NEDD4L: variants seen among roughly 807,000 people sequenced by gnomAD.
NEDD4L encodes the protein E3 ubiquitin-protein ligase NEDD4-like.
A neutral mutation model predicts 148.9 loss-of-function variants in NEDD4L; 54 were observed. The observed-to-expected ratio is 0.36, with a 90% CI of 0.29 to 0.45. The LOEUF is 0.45. Ranked by LOEUF, NEDD4L falls within the 20% of genes least tolerant of loss-of-function variation. The pLI is 1.00. For missense variants in NEDD4L, 856 were observed against 1,233.8 expected (o/e 0.69, Z 4.59); for synonymous variants, 433 against 440.7 (o/e 0.98, Z 0.22).
chr18:58,132,417 A>G (rs1481650134), intron 1 of NEDD4L, among the ~76,000 whole-genome samples: 3 of 152,236 alleles, frequency 2.0e-5, no homozygotes, highest in Middle Eastern at 6.3e-3. Flanking sequence ...AACATGTACT[A>G]CAGTGATGGA....
intron 11 of NEDD4L, among the ~76,000 whole-genome samples, 190 bp downstream of exon 11, chr18:58,331,104 C>G (rs901895251): frequency 2.0e-5 from 3 of 152,282 alleles, no homozygotes; most frequent in Admixed American, 6.5e-5. Context: ...AGGTGAGAAT[C>G]TTTCTTGATT....
chr18:58,211,026 A>G (rs1484475111), intron 2 of NEDD4L, among the ~76,000 whole-genome samples: 2 of 152,336 alleles, frequency 1.3e-5, no homozygotes, highest in East Asian at 3.9e-4. Flanking sequence ...CCTATCTGAA[A>G]AAGTTTAGTA....
rs1383834364 is a variant in NEDD4L, at chr18:58,351,525, A to AAT, written c.1708+487_1708+488dup. ...CATGTTTCCTTGCACCCACAACACT[A>AAT]ATATATATGTATTTTCTGGAAATTG... is the stretch of plus-strand genomic sequence containing the variant. On this transcript the variant is annotated intron_variant, in intron 18 of 30. Transcript: ENST00000400345. 4.6e-5 allele frequency among the ~76,000 whole-genome samples: 7 copies of AAT among 152,348 alleles called. No homozygotes were observed. The East Asian group carries it at 1.2e-3, about 25-fold the overall frequency.
chr18:58,192,766 C>G (rs1159000138), intron 2 of NEDD4L, among the ~76,000 whole-genome samples: 1 of 152,152 alleles, frequency 6.6e-6, no homozygotes, highest in East Asian at 1.9e-4. Context: ...AGATGAAGAA[C>G]ACGGAGTTCT....
chr18:58,083,496 G>A (rs552413111), intron 1 of NEDD4L, among the ~76,000 whole-genome samples: 1 of 152,134 alleles, frequency 6.6e-6, no homozygotes, highest in South Asian at 2.1e-4. Flanking sequence ...GACCATCCTG[G>A]CTAACACAGT....
At chr18:58,163,954 A>G (rs1303527884) in intron 1 of NEDD4L, among the ~76,000 whole-genome samples, 1 of 152,058 alleles carries the variant, frequency 6.6e-6, no homozygotes, top group African/African-American at 2.4e-5. Flanking sequence ...GGTCTTGACT[A>G]AACATGTTGG....
intron 1 of NEDD4L, among the ~76,000 whole-genome samples, chr18:58,103,730 C>G (rs766919927): frequency 1.3e-4 from 20 of 152,158 alleles, no homozygotes; most frequent in Non-Finnish European, 2.1e-4. Context: ...GAAGTGAAAC[C>G]AAAACCTACA....
At chr18:58,234,084 T>TCTTC (rs2045624824) in intron 2 of NEDD4L, among the ~76,000 whole-genome samples, 1 of 95,644 alleles carries the variant, frequency 1.0e-5, no homozygotes, top group Non-Finnish European at 2.1e-5. Context: ...TTTCTTTCTT[T>TCTTC]CTTTCTTTCT....
rs952775960 is a variant in NEDD4L, at chr18:58,255,119, C to T, written c.297+3065C>T. Among the ~76,000 whole-genome samples, 7 of 152,258 alleles carry T rather than the reference C, an allele frequency of 4.6e-5. No homozygotes were observed. The East Asian group carries it at 1.3e-3, about 29-fold the overall frequency. On this transcript the variant is annotated intron_variant, in intron 5 of 30. Transcript: ENST00000400345. ...CTGTTAAACATGCCAGGTCCCTGCA[C>T]TGGTTAGACAGAGTCTCAGTGCTGT... is the stretch of plus-strand genomic sequence containing the variant.
intron 5 of NEDD4L, among the ~76,000 whole-genome samples, chr18:58,289,121 C>T (rs2054333752): frequency 6.6e-6 from 1 of 152,186 alleles, no homozygotes; most frequent in Non-Finnish European, 1.5e-5. Flanking sequence ...GGTTCAGTGA[C>T]AAGAGTGCCA....
chr18:58,330,787 G>A lies in NEDD4L; in HGVS notation c.863G>A (p.Gly288Asp). The A allele has an allele frequency of 1.2e-6, 2 of 1,613,104 alleles. No individual in the cohort carries two copies. Among genetic ancestry groups the A allele is most frequent in the Non-Finnish European group, 1.7e-6 (2 of 1,179,470 alleles). ...EEVNIAGDSL[G>D]LALPPPPASP... is the part of the protein sequence containing the mutation. ...GTGAATATCGCTGGAGACTCTCTCG[G>A]TCTGGCTCTGCCCCCACCACCGGCC... Residue 288 changes from glycine (G) to aspartate (D), a missense_variant, in exon 11 of 31, where the codon GGT (glycine) becomes GAT (aspartate). Transcript: ENST00000400345.
intron 5 of NEDD4L, among the ~76,000 whole-genome samples, chr18:58,304,663 T>G (rs977306504): frequency 3.9e-5 from 6 of 152,238 alleles, no homozygotes; most frequent in Non-Finnish European, 8.8e-5. Context: ...CAGCTACTTC[T>G]AGATAGACAT....
intron 19 of NEDD4L, chr18:58,360,044 A>G (rs1317937801): frequency 6.6e-6 from 1 of 152,220 alleles, no homozygotes; most frequent in South Asian, 2.1e-4. Context: ...TGGCCTCCAT[A>G]AATGATGATA....
intron 1 of NEDD4L, among the ~76,000 whole-genome samples, chr18:58,107,938 G>T (rs774172641): frequency 5.9e-5 from 9 of 151,876 alleles, no homozygotes; most frequent in Admixed American, 1.3e-4. Flanking sequence ...TCTGCTGGTC[G>T]TGAACTCCTG....
At chr18:58,339,786 T>C (rs1406388865) in intron 13 of NEDD4L, among the ~76,000 whole-genome samples, 1 of 152,148 alleles carries the variant, frequency 6.6e-6, no homozygotes, top group Non-Finnish European at 1.5e-5. Flanking sequence ...TGTTGGTGCT[T>C]TCTCTAATTT....
Position 58,245,475 on chromosome 18 carries a change from A to G in NEDD4L, c.171A>G (p.Glu57=). ...TGTACGTAGCGGATGAGAATAGAGA[A>G]CTTGCTTTGGTCCAGACAAAAACAA... ...LSLYVADENR[E]LALVQTKTIK... is the part of the protein sequence containing the mutation. The change falls in exon 3 of 31, where the codon GAA becomes GAG. Residue 57 remains glutamate, a synonymous_variant. Transcript: ENST00000400345. 5 of 1,586,386 alleles carry G rather than the reference A, an allele frequency of 3.2e-6. No homozygotes were observed. The highest frequency in any genetic ancestry group is 4.3e-6 in the Non-Finnish European group (5 of 1,160,756).
At chr18:58,383,635 A>G (rs7239274) in intron 25 of NEDD4L, among the ~76,000 whole-genome samples, 66,019 of 151,520 alleles carry the variant, frequency 0.44, 15,799 homozygotes, top group East Asian at 0.6. Flanking sequence ...TGCAACGGAG[A>G]ACCACGGTGT....
intron 1 of NEDD4L, among the ~76,000 whole-genome samples, chr18:58,155,969 G>A (rs1421864921): frequency 2.0e-5 from 3 of 152,222 alleles, no homozygotes; most frequent in African/African-American, 7.2e-5. Context: ...TAATGAGACA[G>A]TGGAATTCTA....
chr18:58,234,062 TTTC>T (rs2045608901), intron 2 of NEDD4L, among the ~76,000 whole-genome samples: 1 of 84,558 alleles, frequency 1.2e-5, no homozygotes, highest in South Asian at 4.3e-4. Context: ...TCTTTCTTTC[TTTC>T]TTTCTTTCTT....
Sources: gnomAD v4.1 joint callset for allele counts (sites outside exome capture counted in the v4.1 genomes callset) on GRCh38, gnomAD v4.1.1 for gene constraint, MANE v1.5 for transcripts, NCBI Gene and HGNC (gene_info 2026-07-23, HGNC 2026-07-21) for gene names.